Variants in LRRC23 observed in about 807,000 individuals in gnomAD.
LRRC23 encodes the protein leucine-rich repeat-containing protein 23.
In LRRC23, 28 loss-of-function variants were observed where a neutral mutation model predicts 37.7. That is an observed-to-expected ratio of 0.74 (90% CI 0.55 to 1.02). LRRC23 has a LOEUF of 1.02. Among genes scored for constraint, LRRC23 ranks in the 50% least tolerant of loss-of-function variants. LRRC23 has a pLI of 0.00. For synonymous variants in LRRC23, 161 were observed against 165.4 expected (o/e 0.97, Z 0.20); for missense variants, 377 against 413.2 (o/e 0.91, Z 0.76).
At position 6,912,873 on chromosome 12, in the gene LRRC23, G is replaced by A. The variant is rs781848742; in HGVS notation, c.902G>A (p.Arg301His). ...CTGGTGCAGATGCCATACCTTGAAC[G>A]CCTGGACAAGGAATTCTATGAGGAG... ...EALVQMPYLE[R>H]LDKEFYEEEE... The change falls in exon 7 of 8, where the codon CGC (arginine) becomes CAC (histidine). Residue 301 changes from arginine to histidine, a missense_variant. Transcript: ENST00000443597. The A allele has an allele frequency of 3.1e-5, 50 of 1,613,998 alleles. No individual in the cohort carries two copies. In the South Asian group the frequency reaches 3.3e-4, roughly 11 times the overall value.
At chr12:6,913,277 TG>T in intron 7 of LRRC23, 5 of 408,604 alleles carry the variant, frequency 1.2e-5, no homozygotes, top group Non-Finnish European at 1.3e-5. Flanking sequence ...GAGGAGTTGG[TG>T]GGGGGTGGGG....
In LRRC23 at chr12:6,908,645, C is replaced by T. The variant is rs782716715; in HGVS notation, c.621+1200C>T. Among the ~76,000 whole-genome samples, 294 of 128,446 alleles carry T rather than the reference C, an allele frequency of 2.3e-3. 2 individuals are homozygous for T. The highest frequency in any genetic ancestry group is 9.6e-3 in the African/African-American group (286 of 29,788). The allele number at this position is 128,446 out of a possible 152,430, so 84.3% of individuals were successfully genotyped here. On this transcript the variant is annotated intron_variant, in intron 5 of 7. Coordinates refer to ENST00000443597, the MANE Select transcript of LRRC23 (RefSeq NM_001135217.2). ...ACCAAAGAAAAACACGGTGAAACCC[C>T]GTCTCTACTAAAAATACAAAAAAAA...
At chr12:6,911,390 C>T (rs1945156363) in intron 6 of LRRC23, among the ~76,000 whole-genome samples, 1 of 152,140 alleles carries the variant, frequency 6.6e-6, no homozygotes, top group Non-Finnish European at 1.5e-5. Context: ...TGAACTCTGC[C>T]ACACGGATCT....
chr12:6,910,040 C>A lies in LRRC23; in HGVS notation c.758+14C>A. ...CCTCAACCTGAGGTATGCACCCTCT[C>A]CAAGCCCCACCTTGCCCCTACCCCT... On this transcript the variant is annotated intron_variant, in intron 6 of 7. Transcript: ENST00000443597. The A allele has an allele frequency of 1.3e-6, 2 of 1,597,988 alleles. No individual in the cohort carries two copies. The highest frequency in any genetic ancestry group is 1.1e-5 in the South Asian group (1 of 88,496).
chr12:6,912,667 T>C, intron 6 of LRRC23, 63 bp from the exon 7 acceptor site: 1 of 1,470,280 alleles, frequency 6.8e-7, no homozygotes. Context: ...GAGGCCCCAT[T>C]CCTAGCAACT....
chr12:6,913,550 TG>T (rs1945226795), intron 7 of LRRC23, among the ~76,000 whole-genome samples: 1 of 113,628 alleles, frequency 8.8e-6, no homozygotes, highest in Non-Finnish European at 1.7e-5. Context: ...TATTTACCTC[TG>T]TTTGTTTTTT....
chr12:6,912,806 G>T lies in LRRC23; in HGVS notation c.835G>T (p.Asp279Tyr), dbSNP rs782449749. The change falls in exon 7 of 8, where the codon GAT becomes TAT. Residue 279 changes from aspartate (D) to tyrosine (Y), a missense_variant. Transcript: ENST00000443597. ...LPKLRALVLL[D>Y]NPCTDETSYR... is the part of the protein sequence containing the mutation. ...CAAGCTGCGAGCGTTGGTGCTGCTT[G>T]ATAACCCATGCACGGACGAAACCAG... 1 of 1,614,178 alleles carries T rather than the reference G, an allele frequency of 6.2e-7. No homozygotes were observed. Among genetic ancestry groups the T allele is most frequent in the South Asian group, 1.1e-5 (1 of 91,080 alleles).
intron 5 of LRRC23, among the ~76,000 whole-genome samples, chr12:6,908,951 C>A (rs1346498728): frequency 1.5e-5 from 2 of 133,584 alleles, no homozygotes; most frequent in Non-Finnish European, 3.1e-5. Context: ...CCCAGCACAC[C>A]CAACTTTATA....
intron 1 of LRRC23, 137 bp downstream of exon 1, chr12:6,905,212 A>G: frequency 5.4e-6 from 1 of 184,422 alleles, no homozygotes; most frequent in Non-Finnish European, 1.2e-5. Context: ...GGGATTACGG[A>G]TGGCGCAATG....
At chr12:6,909,829 C>G in intron 5 of LRRC23, 61 bp from the exon 6 acceptor site, 1 of 1,509,464 alleles carries the variant, frequency 6.6e-7, no homozygotes, top group Non-Finnish European at 9.0e-7. Context: ...CTCATTCTGA[C>G]TTCTCTTTCT....
intron 6 of LRRC23, among the ~76,000 whole-genome samples, chr12:6,910,939 G>GA (rs1945144490): frequency 6.6e-6 from 1 of 151,896 alleles, no homozygotes; most frequent in South Asian, 2.1e-4. Context: ...AATCAGAGGT[G>GA]ATTCCTGTTC....
rs782252240 is a variant in LRRC23, at chr12:6,906,525, T to C, written c.353T>C (p.Leu118Pro). 1 of 1,614,208 alleles carries C rather than the reference T, an allele frequency of 6.2e-7. No individual in the cohort carries two copies. The highest frequency in any genetic ancestry group is 1.1e-5 in the South Asian group (1 of 91,090). ...PLNYLTHLLW[L>P]KADGNRLRSA... ...AACTACCTCACCCACCTGCTCTGGC[T>C]CAAGGCTGATGGCAATCGGCTGCGA... Residue 118 changes from leucine to proline, a missense_variant, in exon 4 of 8, where the codon CTC (leucine) becomes CCC (proline). Around this residue, in one of 3 missense-constraint regions of LRRC23, gnomAD observed 266 missense variants for 285.6 expected, o/e 0.93. Transcript: ENST00000443597.
At chr12:6,906,012 C>T in intron 3 of LRRC23, 58 bp downstream of exon 3, 2 of 1,398,458 alleles carry the variant, frequency 1.4e-6, no homozygotes, top group South Asian at 1.2e-5. Context: ...TATCTCCTTT[C>T]CCACTGTCAT....
chr12:6,910,641 G>T (rs1945135074), intron 6 of LRRC23, among the ~76,000 whole-genome samples: 1 of 152,126 alleles, frequency 6.6e-6, no homozygotes, highest in African/African-American at 2.4e-5. Context: ...CCTCGAGGTG[G>T]AGTTTGCAGT....
At position 6,914,050 on chromosome 12, in the gene LRRC23, G is replaced by T; in HGVS notation, c.*184G>T. On this transcript the variant is annotated 3_prime_UTR_variant, in exon 8 of 8. Coordinates refer to ENST00000443597, the MANE Select transcript of LRRC23 (RefSeq NM_001135217.2). The surrounding 1 kb of genome is among the most constrained non-coding windows in gnomAD (Gnocchi z 7.1). ...CTGTGCCGGTCCTCTGGGCAGTGTGGGGTGCAGAATGGGGTGCCTAGGCCT... is the reference window on the plus strand; with the variant it reads ...CTGTGCCGGTCCTCTGGGCAGTGTGTGGTGCAGAATGGGGTGCCTAGGCCT... 6.2e-7 allele frequency: 1 copy of T among 1,600,652 alleles called. No homozygotes were observed. The highest frequency in any genetic ancestry group is 8.5e-7 in the Non-Finnish European group (1 of 1,174,362).
rs782127802 is a variant in LRRC23, at chr12:6,905,871, C to T, written c.153C>T (p.Asp51=). ...GGCTGCCCACCCCCCTCACGGAGGA[C>T]ATGATGAAGGAAGGGCTTTCTCTGC... ...EEWLPTPLTE[D]MMKEGLSLLC... The change falls in exon 3 of 8, where the codon GAC becomes GAT. Residue 51 remains aspartate (D), a synonymous_variant. Coordinates refer to ENST00000443597, the MANE Select transcript of LRRC23 (RefSeq NM_001135217.2). 37 of 1,613,952 alleles carry T rather than the reference C, an allele frequency of 2.3e-5. 1 individual carries two copies. In the South Asian group the frequency reaches 3.0e-4, roughly 13 times the overall value.
chr12:6,911,599 G>A (rs1239117072), intron 6 of LRRC23, among the ~76,000 whole-genome samples: 1 of 152,184 alleles, frequency 6.6e-6, no homozygotes, highest in Non-Finnish European at 1.5e-5. Flanking sequence ...GCAGAGTCCA[G>A]TACAAAGTTC....
chr12:6,906,580 G>A lies in LRRC23; in HGVS notation c.408G>A (p.Leu136=). The A allele has an allele frequency of 6.2e-7, 1 of 1,614,176 alleles. No individual in the cohort carries two copies. The highest frequency in any genetic ancestry group is 8.5e-7 in the Non-Finnish European group (1 of 1,180,028). ...RSAQMNELPY[L]QIASFAYNQI... ...CCCAGATGAATGAACTGCCCTACCT[G>A]CAGATTGCTAGTTTTGCTTATAACC... Residue 136 remains leucine, a synonymous_variant, in exon 4 of 8, where the codon CTG becomes CTA. Coordinates refer to ENST00000443597, the MANE Select transcript of LRRC23 (RefSeq NM_001135217.2).
At position 6,914,010 on chromosome 12, in the gene LRRC23, G is replaced by A; in HGVS notation, c.*144G>A. On this transcript the variant is annotated 3_prime_UTR_variant, in exon 8 of 8. Transcript: ENST00000443597. This position sits in a 1 kb window ranked among gnomAD's most constrained non-coding sequence, Gnocchi z 7.1. ...AAGCTGGAAATTCATCACAACCTGA[G>A]GCCCAGGATCTGCTCTGTGCCGGTC... The A allele has an allele frequency of 6.2e-7, 1 of 1,613,826 alleles. No homozygotes were observed. Among genetic ancestry groups the A allele is most frequent in the Non-Finnish European group, 8.5e-7 (1 of 1,179,854 alleles).
Sources: allele counts gnomAD v4.1 joint callset (sites outside exome capture counted in the v4.1 genomes callset), GRCh38; gene constraint gnomAD v4.1.1; regional missense constraint gnomAD v4.1.1; non-coding constraint Gnocchi (gnomAD v3.1); transcripts MANE v1.5; gene names NCBI Gene and HGNC (gene_info 2026-07-23, HGNC 2026-07-21).